The following PTPRN2 variants were observed in gnomAD, a reference collection of about 807,000 sequenced individuals.
PTPRN2 encodes protein tyrosine phosphatase receptor type N2.
A neutral mutation model predicts 118.8 loss-of-function variants in PTPRN2; 74 were observed. The ratio of observed to expected loss-of-function variants is 0.62; its 90% CI spans 0.52 to 0.76. The LOEUF is 0.76. Ranked by LOEUF, PTPRN2 falls within the 30% of genes least tolerant of loss-of-function variation. The pLI is 0.00. For synonymous variants in PTPRN2, 641 were observed against 608.0 expected, an observed-to-expected ratio of 1.05 and a Z score of -0.80; for missense variants, 1,481 against 1,394.4, an observed-to-expected ratio of 1.06 and a Z score of -0.99.
rs372944135 is a variant in PTPRN2, at chr7:158,309,626, T to G, written c.277+7193A>C. ...TCAAAAGATTAAGAGATATCCTTTATAAATACGGACATAAAAATTCTCAAC... is the reference window on the plus strand; with the variant it reads ...TCAAAAGATTAAGAGATATCCTTTAGAAATACGGACATAAAAATTCTCAAC... On this transcript the variant is annotated intron_variant, in intron 3 of 22. Coordinates refer to ENST00000389418, the MANE Select transcript of PTPRN2 (RefSeq NM_002847.5). 4.6e-5 allele frequency among the ~76,000 whole-genome samples: 7 copies of G among 152,350 alleles called. 1 individual carries two copies. In the South Asian group the frequency reaches 1.4e-3, roughly 32 times the overall value.
intron 2 of PTPRN2, among the ~76,000 whole-genome samples, chr7:158,347,714 TATTA>T (rs72022815): frequency 0.87 from 132,542 of 151,954 alleles, 58,696 homozygotes; most frequent in Non-Finnish European, 0.95. Flanking sequence ...ATTTTAACAA[TATTA>T]ATTCTTTCAA....
At chr7:157,889,698 T>C (rs1796684915) in intron 12 of PTPRN2, among the ~76,000 whole-genome samples, 1 of 152,248 alleles carries the variant, frequency 6.6e-6, no homozygotes, top group African/African-American at 2.4e-5. Context: ...TATGTATACT[T>C]AGCCACCCAC....
chr7:157,577,697 AT>A (rs1314981213), intron 18 of PTPRN2, among the ~76,000 whole-genome samples: 1 of 152,160 alleles, frequency 6.6e-6, no homozygotes, highest in Admixed American at 6.5e-5. Flanking sequence ...CTCTGTTATC[AT>A]TTGGATTTAG....
chr7:158,044,053 C>T (rs1808665483), intron 11 of PTPRN2, among the ~76,000 whole-genome samples: 1 of 152,238 alleles, frequency 6.6e-6, no homozygotes, highest in African/African-American at 2.4e-5. Flanking sequence ...TTATGGACTA[C>T]ATCCTGCCAC....
intron 2 of PTPRN2, among the ~76,000 whole-genome samples, chr7:158,333,574 G>A (rs1418051859): frequency 6.6e-6 from 1 of 150,796 alleles, no homozygotes; most frequent in East Asian, 1.9e-4. Context: ...CATAAGAGCT[G>A]ATGCCGGCAC....
At chr7:158,091,973 G>A (rs1476088578) in intron 10 of PTPRN2, among the ~76,000 whole-genome samples, 1 of 134,974 alleles carries the variant, frequency 7.4e-6, no homozygotes, top group Non-Finnish European at 1.6e-5. Flanking sequence ...TGGGTAGAGA[G>A]ATGGTTGGTT....
intron 2 of PTPRN2, among the ~76,000 whole-genome samples, chr7:158,364,144 G>A (rs1185563081): frequency 6.6e-6 from 1 of 151,454 alleles, no homozygotes; most frequent in Admixed American, 6.6e-5. Context: ...AGGGTCTGCA[G>A]AGCCCCCATC....
At chr7:158,422,249 T>G (rs1376705732) in intron 2 of PTPRN2, among the ~76,000 whole-genome samples, 1 of 152,174 alleles carries the variant, frequency 6.6e-6, no homozygotes. Flanking sequence ...ATGCAAATCC[T>G]AGGTAGGTTC....
Position 158,111,661 on chromosome 7 carries a change from T to A in PTPRN2, c.1557-746A>T, listed in dbSNP as rs113675746. 3.4e-3 allele frequency among the ~76,000 whole-genome samples: 518 copies of A among 152,268 alleles called. 5 individuals are homozygous for A. Among genetic ancestry groups the A allele is most frequent in the African/African-American group, 0.012 (497 of 41,550 alleles). On this transcript the variant is annotated intron_variant, in intron 9 of 22. Transcript: ENST00000389418. ...CAGACCAAAACGCCTGCATTCCTCATCCAGTGAGCGTGCAGGATGCCTGCA... is the reference window on the plus strand; with the variant it reads ...CAGACCAAAACGCCTGCATTCCTCAACCAGTGAGCGTGCAGGATGCCTGCA...
intron 12 of PTPRN2, among the ~76,000 whole-genome samples, chr7:157,836,065 C>T: frequency 6.6e-6 from 1 of 152,194 alleles, no homozygotes. Context: ...AGAAAATTCA[C>T]ACTCCCATAG....
intron 11 of PTPRN2, among the ~76,000 whole-genome samples, chr7:158,077,508 C>T (rs1043353808): frequency 7.1e-6 from 1 of 140,556 alleles, no homozygotes; most frequent in African/African-American, 2.9e-5. Flanking sequence ...ACAGGAGCCC[C>T]CCATGAGCCT....
intron 12 of PTPRN2, among the ~76,000 whole-genome samples, chr7:157,791,469 G>A (rs766605996): frequency 6.6e-6 from 1 of 152,168 alleles, no homozygotes. Flanking sequence ...ATGCATGTAT[G>A]TGCCCGGGTC....
At chr7:158,522,344 A>G (rs1563389840) in intron 1 of PTPRN2, among the ~76,000 whole-genome samples, 1 of 125,638 alleles carries the variant, frequency 8.0e-6, no homozygotes, top group African/African-American at 3.2e-5. Context: ...GGTCCACGTC[A>G]CAATGGTGGA....
intron 14 of PTPRN2, among the ~76,000 whole-genome samples, chr7:157,630,438 G>A (rs1353267720): frequency 6.6e-6 from 1 of 152,162 alleles, no homozygotes; most frequent in Non-Finnish European, 1.5e-5. Flanking sequence ...CTCTCAGAAA[G>A]CAATGCCCAC....
chr7:158,123,336 C>T (rs537733635), intron 9 of PTPRN2, among the ~76,000 whole-genome samples: 21 of 152,320 alleles, frequency 1.4e-4, no homozygotes, highest in South Asian at 8.3e-4. Flanking sequence ...CCCTGACCAA[C>T]GCGTGGTGAC....
chr7:158,412,769 ACCAGGGCCCATCCAGCACCCTCCTCAGCT>A (rs1814260559), intron 2 of PTPRN2, among the ~76,000 whole-genome samples: 3 of 76,430 alleles, frequency 3.9e-5, no homozygotes, highest in African/African-American at 1.5e-4. Flanking sequence ...CCTCCTCAGC[ACCAGGGCCCATCCAGCACCCTCCTCAGCT>A]CCAGGGCCCA....
chr7:158,276,830 G>T (rs1040360234), intron 3 of PTPRN2, among the ~76,000 whole-genome samples: 1 of 152,178 alleles, frequency 6.6e-6, no homozygotes, highest in Non-Finnish European at 1.5e-5. Flanking sequence ...GTGTGCGGGC[G>T]GCCTCCTCGT....
chr7:157,686,494 A>C (rs73516828), intron 12 of PTPRN2, among the ~76,000 whole-genome samples: 138 of 152,304 alleles, frequency 9.1e-4, no homozygotes, highest in African/African-American at 3.2e-3. Flanking sequence ...AGTGAGTTTG[A>C]GGCACAGTCT....
chr7:158,154,519 CG>C (rs1418258299), intron 6 of PTPRN2, among the ~76,000 whole-genome samples: 1 of 152,094 alleles, frequency 6.6e-6, no homozygotes. Flanking sequence ...CCCTTTGGTT[CG>C]AGTCTTGTTA....
Sources: gnomAD v4.1 joint callset for allele counts (sites outside exome capture counted in the v4.1 genomes callset) on GRCh38, gnomAD v4.1.1 for gene constraint, MANE v1.5 for transcripts, NCBI Gene and HGNC (gene_info 2026-07-23, HGNC 2026-07-21) for gene names.